Variants in KAT6B observed in about 807,000 individuals in gnomAD.
KAT6B encodes the protein histone acetyltransferase KAT6B.
KAT6B carries 10 observed loss-of-function variants against 187.5 expected under a neutral mutation model. That is an observed-to-expected ratio of 0.05 (90% CI 0.03 to 0.09). KAT6B has a LOEUF of 0.09. Among genes scored for constraint, KAT6B ranks in the 10% least tolerant of loss-of-function variants. The probability of loss-of-function intolerance (pLI) is 1.00; values close to 1 mark genes in which losing one functional copy is unlikely to be tolerated. For missense variants in KAT6B, 1,952 were observed against 2,558.9 expected, an observed-to-expected ratio of 0.76 and a Z score of 5.12; for synonymous variants, 861 against 926.8, an observed-to-expected ratio of 0.93 and a Z score of 1.29.
chr10:75,000,608 TATTA>T (rs1238386020), intron 13 of KAT6B, among the ~76,000 whole-genome samples: 2 of 152,180 alleles, frequency 1.3e-5, no homozygotes, highest in Admixed American at 6.5e-5. Flanking sequence ...TTGCCATTAA[TATTA>T]ATTAATGGCA....
chr10:74,993,788 A>G (rs1301368380), intron 13 of KAT6B, among the ~76,000 whole-genome samples: 6 of 152,066 alleles, frequency 3.9e-5, no homozygotes, highest in Non-Finnish European at 8.8e-5. Context: ...GTGTGCCTCA[A>G]TTTGGGCTTA....
At chr10:74,963,065 C>A (rs895674924) in intron 4 of KAT6B, among the ~76,000 whole-genome samples, 1 of 151,974 alleles carries the variant, frequency 6.6e-6, no homozygotes, top group African/African-American at 2.4e-5. Context: ...ATTGTGGGAT[C>A]CAGTGAGAAA....
chr10:74,972,256 G>T (rs1027539179), intron 6 of KAT6B, among the ~76,000 whole-genome samples: 1 of 152,076 alleles, frequency 6.6e-6, no homozygotes, highest in African/African-American at 2.4e-5. Context: ...GAGGCTTAAT[G>T]ACATGTTGGG....
intron 3 of KAT6B, among the ~76,000 whole-genome samples, chr10:74,879,704 CCAGA>C (rs1844710621): frequency 6.6e-6 from 1 of 152,172 alleles, no homozygotes; most frequent in Non-Finnish European, 1.5e-5. Flanking sequence ...AAGCTTCTCC[CCAGA>C]CAGTGTCGTT....
intron 3 of KAT6B, among the ~76,000 whole-genome samples, chr10:74,944,549 G>A (rs896499330): frequency 1.3e-5 from 2 of 152,136 alleles, no homozygotes; most frequent in Non-Finnish European, 1.5e-5. Flanking sequence ...GGTGGCTCAC[G>A]CCTGTAATCC....
intron 4 of KAT6B, among the ~76,000 whole-genome samples, chr10:74,963,542 C>T (rs1036556701): frequency 9.2e-5 from 14 of 152,122 alleles, no homozygotes; most frequent in Non-Finnish European, 1.0e-4. Flanking sequence ...GAGCAAGAGC[C>T]GTGGAGTAGA....
At chr10:74,916,609 G>C (rs771402260) in intron 3 of KAT6B, among the ~76,000 whole-genome samples, 2 of 152,168 alleles carry the variant, frequency 1.3e-5, no homozygotes, top group African/African-American at 4.8e-5. Context: ...ACGGGCCATA[G>C]ACATATTTGT....
intron 6 of KAT6B, among the ~76,000 whole-genome samples, chr10:74,970,560 C>A (rs1263583686): frequency 2.6e-5 from 4 of 152,120 alleles, no homozygotes; most frequent in Non-Finnish European, 5.9e-5. Flanking sequence ...ACACGAGCAT[C>A]TGAATGATCT....
chr10:74,976,367 C>A (rs1355173798), intron 8 of KAT6B, 37 bp downstream of exon 8: 2 of 1,555,310 alleles, frequency 1.3e-6, no homozygotes, highest in Non-Finnish European at 1.8e-6. Context: ...AAACCTGCGT[C>A]CCGTCCCTTT....
chr10:75,009,878 G>T (rs10824257), intron 13 of KAT6B, among the ~76,000 whole-genome samples: 11,829 of 152,264 alleles, frequency 0.078, 608 homozygotes, highest in South Asian at 0.27. Flanking sequence ...GTGCATGCCT[G>T]TAATCCCAGC....
intron 3 of KAT6B, among the ~76,000 whole-genome samples, chr10:74,890,040 A>AT (rs36105581): frequency 2.6e-3 from 372 of 144,014 alleles, no homozygotes; most frequent in African/African-American, 4.3e-3. Flanking sequence ...TGGACATGTA[A>AT]TTTTTTTTTT....
At chr10:74,909,938 C>T (rs559817467) in intron 3 of KAT6B, among the ~76,000 whole-genome samples, 73 of 152,084 alleles carry the variant, frequency 4.8e-4, no homozygotes, top group Admixed American at 5.9e-4. Context: ...CTCTTCTTTT[C>T]CCTAACATTC....
intron 3 of KAT6B, among the ~76,000 whole-genome samples, chr10:74,942,171 A>G (rs968011090): frequency 7.9e-5 from 12 of 152,140 alleles, no homozygotes; most frequent in African/African-American, 2.9e-4. Flanking sequence ...TAAAAACGAA[A>G]CAAAGACTTT....
At chr10:75,012,207 G>A (rs1043057299) in intron 13 of KAT6B, among the ~76,000 whole-genome samples, 3 of 152,154 alleles carry the variant, frequency 2.0e-5, no homozygotes, top group Non-Finnish European at 4.4e-5. Flanking sequence ...CAGCACTTTG[G>A]GAGGCCGAGG....
Position 75,004,524 on chromosome 10 carries a change from G to A in KAT6B, c.2629+15412G>A, listed in dbSNP as rs150940184. On this transcript the variant is annotated intron_variant, in intron 13 of 17. Coordinates refer to ENST00000287239, the MANE Select transcript of KAT6B (RefSeq NM_012330.4). ...CTGTGCCAGGGATGGTCTAGGTGAT[G>A]AGGACATAAGGATGAATGATTTAGT... 3.5e-3 allele frequency among the ~76,000 whole-genome samples: 528 copies of A among 152,314 alleles called. 2 individuals are homozygous for A. Among genetic ancestry groups the A allele is most frequent in the African/African-American group, 0.012 (504 of 41,558 alleles).
intron 3 of KAT6B, among the ~76,000 whole-genome samples, chr10:74,890,114 C>T (rs1845547568): frequency 6.6e-6 from 1 of 151,834 alleles, no homozygotes; most frequent in Non-Finnish European, 1.5e-5. Flanking sequence ...TCTTGGCTCA[C>T]CACAACCTCT....
intron 3 of KAT6B, among the ~76,000 whole-genome samples, chr10:74,955,462 A>G (rs918979104): frequency 7.1e-6 from 1 of 141,268 alleles, no homozygotes; most frequent in Non-Finnish European, 1.5e-5. Flanking sequence ...TATGCCTTTT[A>G]CATAGAATAA....
chr10:75,025,832 C>T (rs763383283), intron 17 of KAT6B: 3 of 157,274 alleles, frequency 1.9e-5, no homozygotes, highest in Non-Finnish European at 4.2e-5. Context: ...TGAGACCAAC[C>T]TAGGCAACAT....
intron 3 of KAT6B, among the ~76,000 whole-genome samples, chr10:74,874,633 G>A (rs534314289): frequency 4.6e-5 from 7 of 152,064 alleles, no homozygotes; most frequent in Admixed American, 4.6e-4. Context: ...CACCTGCCTC[G>A]GCCTCCCAAA....
Sources: allele counts gnomAD v4.1 joint callset (sites outside exome capture counted in the v4.1 genomes callset), GRCh38; gene constraint gnomAD v4.1.1; transcripts MANE v1.5; gene names NCBI Gene and HGNC (gene_info 2026-07-23, HGNC 2026-07-21).